Variants in ADAMTS3 observed in about 807,000 individuals in gnomAD.
ADAMTS3 encodes A disintegrin and metalloproteinase with thrombospondin motifs 3.
Under a neutral mutation model 129.0 loss-of-function variants are expected in ADAMTS3, and 73 were observed. That is an observed-to-expected ratio of 0.57 (90% CI 0.47 to 0.69). The LOEUF (loss-of-function observed/expected upper bound fraction) is 0.69, where lower values mean the gene tolerates loss of function less well. ADAMTS3 is among the 30% of genes least tolerant of loss of function. The pLI, the probability that ADAMTS3 is intolerant of heterozygous loss-of-function variation, is 0.00. For missense variants in ADAMTS3, 1,457 were observed against 1,514.5 expected (o/e 0.96, Z 0.63); for synonymous variants, 477 against 510.8 (o/e 0.93, Z 0.89).
intron 2 of ADAMTS3, among the ~76,000 whole-genome samples, chr4:72,556,285 A>G (rs777831361): frequency 4.6e-5 from 7 of 151,692 alleles, no homozygotes; most frequent in Non-Finnish European, 7.4e-5. Flanking sequence ...TAACTCCTTT[A>G]CATGTTCAGC....
intron 4 of ADAMTS3, among the ~76,000 whole-genome samples, chr4:72,350,675 C>G (rs983885151): frequency 6.6e-6 from 1 of 151,952 alleles, no homozygotes; most frequent in African/African-American, 2.4e-5. Flanking sequence ...TGACTGACCA[C>G]CACTGAGGCC....
chr4:72,516,793 T>C (rs1002797433), intron 3 of ADAMTS3, among the ~76,000 whole-genome samples: 24 of 152,230 alleles, frequency 1.6e-4, no homozygotes, highest in African/African-American at 5.8e-4. Context: ...CAGGGACAAT[T>C]TGACTTCCTC....
At chr4:72,448,585 A>C (rs1718315601) in intron 3 of ADAMTS3, among the ~76,000 whole-genome samples, 1 of 151,724 alleles carries the variant, frequency 6.6e-6, no homozygotes, top group African/African-American at 2.4e-5. Context: ...ACAATCCTAA[A>C]AATTTATATG....
At position 72,390,344 on chromosome 4, in the gene ADAMTS3, T is replaced by C. The variant is rs112528982; in HGVS notation, c.661+24471A>G. On this transcript the variant is annotated intron_variant, in intron 4 of 21. Transcript: ENST00000286657. ...CATTTATTTGTGATGACGGCACCAA[T>C]GATGCTATTCTAAATACTTTATCTT... Among the ~76,000 whole-genome samples the C allele has an allele frequency of 9.4e-4, 143 of 152,312 alleles. 1 individual carries two copies. The highest frequency in any genetic ancestry group is 3.3e-3 in the African/African-American group (138 of 41,568).
At chr4:72,409,347 T>G (rs1316833127) in intron 4 of ADAMTS3, among the ~76,000 whole-genome samples, 1 of 152,176 alleles carries the variant, frequency 6.6e-6, no homozygotes. Context: ...AGTAGGCAAT[T>G]ACTTAATTTA....
At chr4:72,494,295 C>A (rs1355556299) in intron 3 of ADAMTS3, among the ~76,000 whole-genome samples, 1 of 152,036 alleles carries the variant, frequency 6.6e-6, no homozygotes, top group East Asian at 1.9e-4. Flanking sequence ...TGACTGGGAA[C>A]CTCCAAACCA....
chr4:72,479,718 T>TCTGCAC (rs1719370264), intron 3 of ADAMTS3, among the ~76,000 whole-genome samples: 1 of 152,078 alleles, frequency 6.6e-6, no homozygotes, highest in Admixed American at 6.6e-5. Flanking sequence ...CTAAAGAGCT[T>TCTGCAC]CTGCACAGCA....
At chr4:72,435,755 A>G (rs901112472) in intron 3 of ADAMTS3, among the ~76,000 whole-genome samples, 1 of 152,054 alleles carries the variant, frequency 6.6e-6, no homozygotes, top group Non-Finnish European at 1.5e-5. Context: ...AAATGGGGAA[A>G]GGATTTCCTA....
chr4:72,560,892 C>T (rs770465799), intron 2 of ADAMTS3, among the ~76,000 whole-genome samples: 1 of 152,042 alleles, frequency 6.6e-6, no homozygotes, highest in Non-Finnish European at 1.5e-5. Context: ...ATATGTTACA[C>T]ACAAGAAAGT....
chr4:72,449,316 C>T (rs1045295266), intron 3 of ADAMTS3, among the ~76,000 whole-genome samples: 39 of 151,852 alleles, frequency 2.6e-4, no homozygotes, highest in Admixed American at 2.1e-3. Flanking sequence ...AAACTCTCCA[C>T]GGCCAAAACT....
intron 19 of ADAMTS3, among the ~76,000 whole-genome samples, chr4:72,292,746 A>T (rs1477075906): frequency 1.3e-5 from 2 of 152,122 alleles, no homozygotes; most frequent in African/African-American, 4.8e-5. Flanking sequence ...TTCCCTCTGC[A>T]ATTTATTTTT....
chr4:72,518,661 C>T (rs1720566935), intron 3 of ADAMTS3, among the ~76,000 whole-genome samples: 1 of 151,920 alleles, frequency 6.6e-6, no homozygotes, highest in South Asian at 2.1e-4. Flanking sequence ...GATTGCAACC[C>T]CTGCTTTTTT....
intron 3 of ADAMTS3, among the ~76,000 whole-genome samples, chr4:72,490,170 T>C (rs1719702636): frequency 6.6e-6 from 1 of 151,992 alleles, no homozygotes; most frequent in Non-Finnish European, 1.5e-5. Flanking sequence ...TATTGAGAAA[T>C]GTCTATTCGG....
chr4:72,548,774 C>T lies in ADAMTS3; in HGVS notation c.208G>A (p.Ala70Thr), dbSNP rs575074543. ...TCAGGGTTGGAAGACACGTCCCTCG[C>T]TGACCTCTTTTTGTGACTCGCAGAA... ...TLSASHKKRS[A>T]RDVSSNPEQL... Residue 70 changes from alanine to threonine, a missense_variant, in exon 3 of 22, where the codon GCG becomes ACG. Ala to Thr is a moderately conservative substitution (Grantham distance 58). Transcript: ENST00000286657. 1 of 1,613,956 alleles carries T rather than the reference C, an allele frequency of 6.2e-7. No homozygotes were observed. Among genetic ancestry groups the T allele is most frequent in the South Asian group, 1.1e-5 (1 of 91,084 alleles).
rs551959676 is a variant in ADAMTS3 at position 72,409,644 on chromosome 4, A to G, written c.661+5171T>C. Among the ~76,000 whole-genome samples, 17 of 152,296 alleles carry G rather than the reference A, an allele frequency of 1.1e-4. No homozygotes were observed. In the East Asian group the frequency reaches 2.9e-3, roughly 26 times the overall value. ...TAAATAAGCTCTTTTCATTGAACCT[A>G]TTCATACAGAGACAGAAGAAACTCA... On this transcript the variant is annotated intron_variant, in intron 4 of 21. Coordinates refer to ENST00000286657, the MANE Select transcript of ADAMTS3 (RefSeq NM_014243.3).
At chr4:72,323,429 T>G (rs1450456658) in intron 5 of ADAMTS3, among the ~76,000 whole-genome samples, 1 of 152,186 alleles carries the variant, frequency 6.6e-6, no homozygotes. Context: ...GAGGGTAACT[T>G]TGGCAAATCA....
At chr4:72,301,787 A>C (rs1444102617) in intron 17 of ADAMTS3, among the ~76,000 whole-genome samples, 1 of 152,106 alleles carries the variant, frequency 6.6e-6, no homozygotes, top group African/African-American at 2.4e-5. Context: ...GCCAGATCTT[A>C]TTCCTGACAA....
intron 4 of ADAMTS3, among the ~76,000 whole-genome samples, chr4:72,399,759 G>A (rs1197371375): frequency 8.2e-5 from 12 of 146,778 alleles, no homozygotes; most frequent in Admixed American, 6.0e-4. Context: ...GCATATGTGT[G>A]TATATATATA....
intron 3 of ADAMTS3, among the ~76,000 whole-genome samples, chr4:72,461,441 T>C (rs1718768979): frequency 6.6e-6 from 1 of 151,768 alleles, no homozygotes; most frequent in South Asian, 2.1e-4. Context: ...TAGTGGACTG[T>C]AGATATTCTC....
Sources: allele counts gnomAD v4.1 joint callset (sites outside exome capture counted in the v4.1 genomes callset), GRCh38; gene constraint gnomAD v4.1.1; transcripts MANE v1.5; gene names NCBI Gene and HGNC (gene_info 2026-07-23, HGNC 2026-07-21).